IFT74: variants seen among roughly 807,000 people sequenced by gnomAD.
IFT74 encodes the protein intraflagellar transport 74.
A neutral mutation model predicts 96.7 loss-of-function variants in IFT74; 92 were observed. The observed-to-expected ratio is 0.95, with a 90% CI of 0.80 to 1.13. IFT74 has a LOEUF of 1.13. Ranked by LOEUF, IFT74 falls within the 50% of genes most tolerant of loss-of-function variation. IFT74 has a pLI of 0.00. For missense variants in IFT74, 811 were observed against 698.2 expected (o/e 1.16, Z -1.82); for synonymous variants, 223 against 213.2 (o/e 1.05, Z -0.40).
At chr9:26,954,015 C>T (rs1390759996), upstream of IFT74, among the ~76,000 whole-genome samples, 1 of 152,192 alleles carries the variant, frequency 6.6e-6, no homozygotes, top group Admixed American at 6.5e-5. Context: ...CTCATTCTCC[C>T]TTTAAAACAT....
intron 11 of IFT74, among the ~76,000 whole-genome samples, chr9:27,017,414 G>A (rs758057235): frequency 5.9e-5 from 9 of 151,962 alleles, no homozygotes; most frequent in South Asian, 4.2e-4. Flanking sequence ...TAGAGATAGG[G>A]TTTTACTGTG....
chr9:26,963,446 T>G (rs1417134796), intron 2 of IFT74, among the ~76,000 whole-genome samples: 5 of 150,362 alleles, frequency 3.3e-5, no homozygotes, highest in South Asian at 4.3e-4. Flanking sequence ...TATAGCAGCA[T>G]GATTTATAGT....
chr9:27,008,614 C>T (rs1256818925), intron 8 of IFT74, among the ~76,000 whole-genome samples: 1 of 152,114 alleles, frequency 6.6e-6, no homozygotes. Flanking sequence ...CCTGCCTCAG[C>T]CTTCCAAAGT....
chr9:27,011,086 CT>C (rs1193851908), intron 9 of IFT74, among the ~76,000 whole-genome samples: 2 of 152,076 alleles, frequency 1.3e-5, no homozygotes, highest in Admixed American at 6.6e-5. Context: ...AACCCTGTCT[CT>C]ACTAAAAACA....
chr9:27,026,014 C>G (rs1420520478), intron 12 of IFT74, among the ~76,000 whole-genome samples: 1 of 152,054 alleles, frequency 6.6e-6, no homozygotes, highest in African/African-American at 2.4e-5. Flanking sequence ...ATAAACAGCC[C>G]AAATGCTCCA....
rs183413549 is a variant in IFT74 at position 27,049,966 on chromosome 9, A to G, written c.1333+1692A>G. 3.4e-3 allele frequency among the ~76,000 whole-genome samples: 517 copies of G among 152,316 alleles called. 6 individuals carry two copies. The highest frequency in any genetic ancestry group is 0.012 in the African/African-American group (483 of 41,556). On this transcript the variant is annotated intron_variant, in intron 16 of 19. Transcript: ENST00000380062. ...TATTGTATTTAAACTGATATAGCCA[A>G]GTTATTATTTCAACATGTAAGCTAT... is the stretch of plus-strand genomic sequence containing the variant.
intron 8 of IFT74, among the ~76,000 whole-genome samples, chr9:26,990,721 G>A (rs1041834262): frequency 6.6e-6 from 1 of 152,162 alleles, no homozygotes; most frequent in Non-Finnish European, 1.5e-5. Context: ...TGGGAGTAAT[G>A]CCTACAAAGA....
chr9:27,026,390 C>T (rs1024816821), intron 12 of IFT74, among the ~76,000 whole-genome samples: 1 of 152,138 alleles, frequency 6.6e-6, no homozygotes, highest in African/African-American at 2.4e-5. Context: ...TAGTGGGGGA[C>T]TTCAATACTC....
intron 19 of IFT74, among the ~76,000 whole-genome samples, chr9:27,062,142 G>A (rs1051136469): frequency 1.3e-5 from 2 of 152,124 alleles, no homozygotes; most frequent in African/African-American, 2.4e-5. Flanking sequence ...CAGTGTTAGT[G>A]CAACTTAGTT....
chr9:27,019,695 GC>G (rs1188128643), intron 12 of IFT74, among the ~76,000 whole-genome samples: 1 of 151,344 alleles, frequency 6.6e-6, no homozygotes, highest in African/African-American at 2.4e-5. Flanking sequence ...GGATGTATGG[GC>G]TGTTACCATT....
intron 12 of IFT74, among the ~76,000 whole-genome samples, chr9:27,021,372 T>G (rs2131627250): frequency 1.3e-5 from 2 of 152,338 alleles, no homozygotes; most frequent in East Asian, 3.9e-4. Context: ...CTAGATCAAA[T>G]GGTAGACCTA....
intron 6 of IFT74, among the ~76,000 whole-genome samples, chr9:26,985,141 A>G (rs1827580721): frequency 6.6e-6 from 1 of 152,200 alleles, no homozygotes; most frequent in Non-Finnish European, 1.5e-5. Context: ...GAAAAAGATC[A>G]TGTCCCTTGC....
intron 7 of IFT74, 78 bp from the exon 8 acceptor site, chr9:26,990,056 C>A: frequency 1.4e-6 from 1 of 738,848 alleles, no homozygotes; most frequent in Non-Finnish European, 2.1e-6. Flanking sequence ...TCATTTAGTT[C>A]CTAGCCAAAA....
intron 10 of IFT74, among the ~76,000 whole-genome samples, chr9:27,014,719 C>T (rs1829263198): frequency 6.6e-6 from 1 of 152,180 alleles, no homozygotes; most frequent in Admixed American, 6.5e-5. Context: ...AAGCAATTCT[C>T]CTGCCTCAGC....
In IFT74 at chr9:27,064,025, T is replaced by A. The variant is rs528455542; in HGVS notation, c.*1289T>A. Among the ~76,000 whole-genome samples, 2 of 152,268 alleles carry A rather than the reference T, an allele frequency of 1.3e-5. No individual in the cohort carries two copies. Among genetic ancestry groups the A allele is most frequent in the African/African-American group, 4.8e-5 (2 of 41,580 alleles). On this transcript the variant is annotated 3_prime_UTR_variant, in exon 20 of 20. Coordinates refer to ENST00000380062, the MANE Select transcript of IFT74 (RefSeq NM_025103.4). ...TTGTCTGAAACAAAGGTGAATTATT[T>A]TATTTTTTCTTGACTGCTCATAACC...
chr9:26,983,654 T>C (rs1046344829), intron 4 of IFT74, among the ~76,000 whole-genome samples: 2 of 152,178 alleles, frequency 1.3e-5, no homozygotes, highest in African/African-American at 4.8e-5. Context: ...CATCTGCCTG[T>C]GGCTTGTACT....
At chr9:26,950,197 A>C (rs144844559) in intron 1 of IFT74, among the ~76,000 whole-genome samples, 1,537 of 152,178 alleles carry the variant, frequency 0.01, 20 homozygotes, top group African/African-American at 0.035. Flanking sequence ...CTGTAGTCCC[A>C]GCTACTCAGG....
At chr9:26,973,347 T>C (rs950743022) in intron 2 of IFT74, among the ~76,000 whole-genome samples, 2 of 151,982 alleles carry the variant, frequency 1.3e-5, no homozygotes, top group African/African-American at 4.8e-5. Flanking sequence ...GTTTAAGGAG[T>C]CCATCTTTAA....
chr9:27,024,148 A>G (rs140267789), intron 12 of IFT74, among the ~76,000 whole-genome samples: 169 of 152,302 alleles, frequency 1.1e-3, no homozygotes, highest in Non-Finnish European at 2.0e-3. Flanking sequence ...TAACATCCAC[A>G]CTAACCAGAG....
Sources: gnomAD v4.1 joint callset for allele counts (sites outside exome capture counted in the v4.1 genomes callset) on GRCh38, gnomAD v4.1.1 for gene constraint, MANE v1.5 for transcripts, NCBI Gene and HGNC (gene_info 2026-07-23, HGNC 2026-07-21) for gene names.